PRR5L: variants seen among roughly 807,000 people sequenced by gnomAD.
PRR5L encodes the protein proline-rich protein 5-like.
In PRR5L, 21 loss-of-function variants were observed where a neutral mutation model predicts 36.4. That is an observed-to-expected ratio of 0.58 (90% CI 0.41 to 0.83). The LOEUF (loss-of-function observed/expected upper bound fraction) is 0.83, where lower values mean the gene tolerates loss of function less well. PRR5L is among the 40% of genes least tolerant of loss of function. PRR5L has a pLI of 0.00. For synonymous variants in PRR5L, 188 were observed against 197.0 expected, an observed-to-expected ratio of 0.95 and a Z score of 0.38; for missense variants, 381 against 473.3, an observed-to-expected ratio of 0.80 and a Z score of 1.81.
intron 1 of PRR5L, among the ~76,000 whole-genome samples, chr11:36,350,765 C>T (rs2133488622): frequency 6.6e-6 from 1 of 151,026 alleles, no homozygotes; most frequent in Non-Finnish European, 1.5e-5. Flanking sequence ...GCTTAGCTCC[C>T]ACTTATGAGT....
chr11:36,318,518 T>C (rs886263311), intron 1 of PRR5L, among the ~76,000 whole-genome samples: 1 of 152,170 alleles, frequency 6.6e-6, no homozygotes, highest in Non-Finnish European at 1.5e-5. Context: ...CTGAGAGGGA[T>C]GGATATGTGG....
intron 7 of PRR5L, among the ~76,000 whole-genome samples, chr11:36,448,414 T>C (rs1381611865): frequency 2.0e-5 from 3 of 152,122 alleles, no homozygotes; most frequent in Non-Finnish European, 4.4e-5. Context: ...ACTTACTCAC[T>C]TTTCTGGTCT....
At chr11:36,384,723 A>G (rs1292981321) in intron 1 of PRR5L, among the ~76,000 whole-genome samples, 2 of 151,002 alleles carry the variant, frequency 1.3e-5, no homozygotes, top group African/African-American at 4.9e-5. Flanking sequence ...CACAGACTGG[A>G]GTGCAGTGGC....
At chr11:36,378,985 G>A (rs975769841) in intron 1 of PRR5L, among the ~76,000 whole-genome samples, 4 of 152,168 alleles carry the variant, frequency 2.6e-5, no homozygotes, top group South Asian at 2.1e-4. Flanking sequence ...ATTAGCTCAC[G>A]TTATAGTTGA....
chr11:36,392,686 A>T (rs1040620221), intron 1 of PRR5L, among the ~76,000 whole-genome samples: 2 of 152,158 alleles, frequency 1.3e-5, no homozygotes, highest in African/African-American at 4.8e-5. Flanking sequence ...CAGGAAACTT[A>T]CAATCATGGG....
In PRR5L at chr11:36,464,748, T is replaced by C. The variant is rs888565657; in HGVS notation, c.*2012T>C. 6.6e-6 allele frequency: 1 copy of C among 152,230 alleles called. No homozygotes were observed. The highest frequency in any genetic ancestry group is 2.4e-5 in the African/African-American group (1 of 41,466). The allele number at this position is 152,230 out of a possible 1,614,324, so 9.4% of individuals were successfully genotyped here. A position where few individuals can be genotyped will look rare whatever the true frequency, so the allele number is the denominator to read the frequency against. On this transcript the variant is annotated 3_prime_UTR_variant, in exon 9 of 9. Transcript: ENST00000530639. ...TTTTCAGTTTGTAAGGTTAAGCATA[T>C]GTGCATGCGTGCGTGTGTATATAAA...
chr11:36,337,007 C>T (rs1856775347), intron 1 of PRR5L, among the ~76,000 whole-genome samples: 1 of 152,070 alleles, frequency 6.6e-6, no homozygotes, highest in Non-Finnish European at 1.5e-5. Flanking sequence ...TACAGTTATC[C>T]TGGCATGTAA....
At position 36,449,229 on chromosome 11, in the gene PRR5L, C is replaced by G. The variant is rs137994253; in HGVS notation, c.586-1980C>G. Among the ~76,000 whole-genome samples, 1,254 of 152,336 alleles carry G rather than the reference C, an allele frequency of 8.2e-3. 19 individuals carry two copies. Among genetic ancestry groups the G allele is most frequent in the African/African-American group, 0.029 (1,197 of 41,574 alleles). ...ATCTGAATGGAACTTCCAGGTGGCA[C>G]TGCCCTGGGGCCATATCTGCTACAG... On this transcript the variant is annotated intron_variant, in intron 7 of 8. Coordinates refer to ENST00000530639, the MANE Select transcript of PRR5L (RefSeq NM_001160167.2).
chr11:36,369,847 T>A (rs1467392943), intron 1 of PRR5L, among the ~76,000 whole-genome samples: 3 of 152,212 alleles, frequency 2.0e-5, no homozygotes, highest in African/African-American at 7.2e-5. Flanking sequence ...TCCACCCGCC[T>A]TGGCCTCCCA....
intron 1 of PRR5L, among the ~76,000 whole-genome samples, chr11:36,304,534 C>A (rs1053017412): frequency 6.6e-6 from 1 of 152,174 alleles, no homozygotes; most frequent in African/African-American, 2.4e-5. Flanking sequence ...GGAGCTCATT[C>A]TGTGTCAGCA....
intron 1 of PRR5L, among the ~76,000 whole-genome samples, chr11:36,311,050 T>C (rs868378605): frequency 5.3e-5 from 8 of 151,058 alleles, no homozygotes; most frequent in African/African-American, 1.9e-4. Context: ...CTGAATTTTC[T>C]GGCCTTCCAT....
At chr11:36,439,233 T>C (rs533605850) in intron 6 of PRR5L, among the ~76,000 whole-genome samples, 12 of 151,976 alleles carry the variant, frequency 7.9e-5, no homozygotes, top group African/African-American at 2.9e-4. Context: ...CTTCAGGCCA[T>C]TTGTGTAGGG....
chr11:36,372,218 A>G (rs1185861618), intron 1 of PRR5L, among the ~76,000 whole-genome samples: 2 of 152,114 alleles, frequency 1.3e-5, no homozygotes, highest in Non-Finnish European at 2.9e-5. Context: ...TATAACTTCA[A>G]ACAAGTCACC....
chr11:36,325,311 A>C (rs563775508), intron 1 of PRR5L, among the ~76,000 whole-genome samples: 17 of 152,364 alleles, frequency 1.1e-4, no homozygotes, highest in Admixed American at 1.0e-3. Context: ...AGCACAGCAG[A>C]CACCCTGCTG....
chr11:36,351,787 T>A (rs376011783), intron 1 of PRR5L, among the ~76,000 whole-genome samples: 2 of 124,910 alleles, frequency 1.6e-5, no homozygotes, highest in Non-Finnish European at 3.3e-5. Context: ...TTATATATTT[T>A]TTTTATATAT....
chr11:36,303,923 G>A (rs1334265114), intron 1 of PRR5L, among the ~76,000 whole-genome samples: 1 of 152,114 alleles, frequency 6.6e-6, no homozygotes, highest in African/African-American at 2.4e-5. Context: ...TTATTGATCA[G>A]GGTGGGATGT....
intron 3 of PRR5L, among the ~76,000 whole-genome samples, chr11:36,409,781 C>T (rs897171363): frequency 2.0e-5 from 3 of 152,172 alleles, no homozygotes; most frequent in Admixed American, 6.5e-5. Context: ...CTCCCCACAC[C>T]CTGTGAGATA....
At chr11:36,352,898 C>A (rs572510354) in intron 1 of PRR5L, among the ~76,000 whole-genome samples, 55 of 152,302 alleles carry the variant, frequency 3.6e-4, no homozygotes, top group Non-Finnish European at 6.8e-4. Context: ...TGGGCACAGT[C>A]CTGTGGGTCA....
chr11:36,393,314 G>C (rs1362952530), intron 1 of PRR5L, among the ~76,000 whole-genome samples: 1 of 152,126 alleles, frequency 6.6e-6, no homozygotes, highest in Admixed American at 6.5e-5. Context: ...CATAGTATAA[G>C]GTCTTAGGTT....
Sources: allele counts gnomAD v4.1 joint callset (sites outside exome capture counted in the v4.1 genomes callset), GRCh38; gene constraint gnomAD v4.1.1; transcripts MANE v1.5; gene names NCBI Gene and HGNC (gene_info 2026-07-23, HGNC 2026-07-21).